Variants in DIAPH2 observed in about 807,000 individuals in gnomAD.
DIAPH2 encodes the protein protein diaphanous homolog 2.
DIAPH2 carries 35 observed loss-of-function variants against 92.7 expected under a neutral mutation model. The ratio of observed to expected loss-of-function variants is 0.38; its 90% CI spans 0.29 to 0.50. DIAPH2 has a LOEUF of 0.50. DIAPH2 is among the 20% of genes least tolerant of loss of function. The probability of loss-of-function intolerance (pLI) is 0.94; values close to 1 mark genes in which losing one functional copy is unlikely to be tolerated. For missense variants in DIAPH2, 701 were observed against 819.5 expected (o/e 0.86, Z 1.77); for synonymous variants, 301 against 280.4 (o/e 1.07, Z -0.73).
chrX:96,983,153 A>ACC (rs776887123), intron 17 of DIAPH2, among the ~76,000 whole-genome samples: 1 of 110,792 alleles, frequency 9.0e-6, no homozygotes, highest in Non-Finnish European at 1.9e-5. Context: ...TGATGATGCC[A>ACC]CCCCCTCTAA....
chrX:96,973,466 C>T (rs941597524), intron 17 of DIAPH2, among the ~76,000 whole-genome samples: 3 of 111,197 alleles, frequency 2.7e-5, no homozygotes, highest in Non-Finnish European at 5.7e-5. Context: ...CTCCTGCACT[C>T]CAGCCAGGAT....
intron 25 of DIAPH2, among the ~76,000 whole-genome samples, chrX:97,427,101 C>T (rs550266228): frequency 9.2e-6 from 1 of 108,997 alleles, no homozygotes; most frequent in African/African-American, 3.3e-5. Context: ...TTGCTTGAAC[C>T]CAGGAGGCGG....
intron 22 of DIAPH2, among the ~76,000 whole-genome samples, chrX:97,188,938 A>T (rs1205233738): frequency 8.9e-6 from 1 of 112,070 alleles, no homozygotes; most frequent in Non-Finnish European, 1.9e-5. Context: ...TGTCATTTAC[A>T]TTCTCTAGTA....
At chrX:97,236,638 G>A (rs886240412) in intron 22 of DIAPH2, among the ~76,000 whole-genome samples, 10 of 101,955 alleles carry the variant, frequency 9.8e-5, no homozygotes, top group Non-Finnish European at 1.8e-4. Flanking sequence ...TCCACCTCCC[G>A]GGTTCACGCC....
chrX:96,718,623 G>C (rs2063970289), intron 1 of DIAPH2, among the ~76,000 whole-genome samples: 1 of 110,309 alleles, frequency 9.1e-6, no homozygotes, highest in Non-Finnish European at 1.9e-5. Context: ...CAAAATGCTG[G>C]GATTACAGGC....
chrX:97,267,457 C>T (rs1308726295), intron 23 of DIAPH2, among the ~76,000 whole-genome samples: 1 of 111,413 alleles, frequency 9.0e-6, no homozygotes, highest in Non-Finnish European at 1.9e-5. Flanking sequence ...CTGACCTTTC[C>T]ATGTCTTAAG....
At chrX:97,093,205 G>A (rs763137184) in intron 19 of DIAPH2, among the ~76,000 whole-genome samples, 44 of 60,369 alleles carry the variant, frequency 7.3e-4, no homozygotes, top group Non-Finnish European at 1.1e-3. Flanking sequence ...AAGAAAGAAC[G>A]AAAGAGAGAG....
chrX:96,692,881 A>G (rs1259354096), intron 1 of DIAPH2, among the ~76,000 whole-genome samples: 1 of 112,505 alleles, frequency 8.9e-6, no homozygotes, highest in African/African-American at 3.2e-5. Context: ...TTTCAAAACA[A>G]ATGCCGGTTT....
intron 17 of DIAPH2, among the ~76,000 whole-genome samples, chrX:97,003,982 G>A (rs988959351): frequency 9.0e-6 from 1 of 111,324 alleles, no homozygotes; most frequent in African/African-American, 3.3e-5. Flanking sequence ...AGAGATAGGG[G>A]CTAGTTTCAT....
At chrX:97,157,342 TAATA>T (rs2067331699) in intron 22 of DIAPH2, among the ~76,000 whole-genome samples, 6 of 43,402 alleles carry the variant, frequency 1.4e-4, no homozygotes, top group African/African-American at 2.6e-4. Context: ...AATATAATAA[TAATA>T]ATAATAATGA....
At chrX:97,217,906 A>T (rs1316055524) in intron 22 of DIAPH2, among the ~76,000 whole-genome samples, 3 of 110,791 alleles carry the variant, frequency 2.7e-5, no homozygotes, top group Non-Finnish European at 5.7e-5. Context: ...AGATCGTGCC[A>T]CTGCATTCCA....
At position 96,965,851 on chromosome X, in the gene DIAPH2, G is replaced by A. The variant is rs189897292; in HGVS notation, c.2050+644G>A. On this transcript the variant is annotated intron_variant, in intron 17 of 26. Coordinates refer to ENST00000324765, the MANE Select transcript of DIAPH2 (RefSeq NM_006729.5). ...TAGCTTCTCAATCTCATAATAGATC[G>A]TTATGGTTCATTAATTTTTGGTATT... Among the ~76,000 whole-genome samples, 128 of 111,224 alleles carry A rather than the reference G, an allele frequency of 1.2e-3. 1 individual carries two copies. Among genetic ancestry groups the A allele is most frequent in the African/African-American group, 4.1e-3 (125 of 30,689 alleles).
At chrX:96,895,580 C>G (rs1424234009) in intron 5 of DIAPH2, among the ~76,000 whole-genome samples, 1 of 111,794 alleles carries the variant, frequency 8.9e-6, no homozygotes, top group Non-Finnish European at 1.9e-5. Context: ...GATCTTGGCT[C>G]TGATCCTTGT....
rs906627293 is a variant in DIAPH2 at position 97,241,132 on chromosome X, A to G, written c.2720-6583A>G. Among the ~76,000 whole-genome samples the G allele has an allele frequency of 3.6e-5, 4 of 111,627 alleles. No homozygotes were observed. The East Asian group carries it at 8.4e-4, about 23-fold the overall frequency. On this transcript the variant is annotated intron_variant, in intron 22 of 26. Transcript: ENST00000324765. Reference sequence around the variant, plus strand: ...CCAGAAATACTGCTTTACATTTACAATTTCCTGAGATGACATCACTTATAC... The same window carrying G: ...CCAGAAATACTGCTTTACATTTACAGTTTCCTGAGATGACATCACTTATAC...
intron 15 of DIAPH2, among the ~76,000 whole-genome samples, chrX:96,955,041 T>C (rs2065801449): frequency 8.9e-6 from 1 of 112,728 alleles, no homozygotes; most frequent in Non-Finnish European, 1.9e-5. Flanking sequence ...TAGAGGAGTA[T>C]TTCACAAAAT....
intron 1 of DIAPH2, among the ~76,000 whole-genome samples, chrX:96,693,782 C>T (rs1242697527): frequency 2.7e-5 from 3 of 112,803 alleles, no homozygotes; most frequent in African/African-American, 9.7e-5. Context: ...CGCCTGTAGT[C>T]CCAGGACTTT....
intron 4 of DIAPH2, among the ~76,000 whole-genome samples, chrX:96,805,331 G>T (rs1475528969): frequency 1.8e-5 from 2 of 110,604 alleles, no homozygotes; most frequent in African/African-American, 3.3e-5. Flanking sequence ...GCAATTTTAA[G>T]TAGGATGATC....
At chrX:97,149,092 G>T (rs915875437) in intron 22 of DIAPH2, among the ~76,000 whole-genome samples, 8 of 111,419 alleles carry the variant, frequency 7.2e-5, no homozygotes, top group African/African-American at 2.6e-4. Flanking sequence ...CATATTGTCT[G>T]CTATTAGTTT....
chrX:97,454,091 T>A (rs945536666), intron 26 of DIAPH2: 2 of 112,212 alleles, frequency 1.8e-5, no homozygotes, highest in Non-Finnish European at 3.8e-5. Context: ...AAAAGCAGCA[T>A]GTAGACTTTT....
Sources: allele counts gnomAD v4.1 joint callset (sites outside exome capture counted in the v4.1 genomes callset), GRCh38; gene constraint gnomAD v4.1.1; transcripts MANE v1.5; gene names NCBI Gene and HGNC (gene_info 2026-07-23, HGNC 2026-07-21).